The following VPS41 variants were observed in gnomAD, a reference collection of about 807,000 sequenced individuals.
The protein encoded by VPS41 is VPS41 subunit of HOPS complex, also known as vacuolar protein sorting-associated protein 41 homolog.
A neutral mutation model predicts 130.9 loss-of-function variants in VPS41; 85 were observed. The ratio of observed to expected loss-of-function variants is 0.65; its 90% confidence interval spans 0.55 to 0.78. The LOEUF (loss-of-function observed/expected upper bound fraction) is 0.78, where lower values mean the gene tolerates loss of function less well. Ranked by LOEUF, VPS41 falls within the 30% of genes least tolerant of loss-of-function variation. The pLI, the probability that VPS41 is intolerant of heterozygous loss-of-function variation, is 0.00. For synonymous variants in VPS41, 335 were observed against 332.9 expected (o/e 1.01, Z -0.07); for missense variants, 874 against 1,018.7 (o/e 0.86, Z 1.93).
At chr7:38,744,795 T>C (rs1795954292) in intron 23 of VPS41, among the ~76,000 whole-genome samples, 1 of 152,118 alleles carries the variant, frequency 6.6e-6, no homozygotes, top group Non-Finnish European at 1.5e-5. Flanking sequence ...TGAATCTGCA[T>C]ACACATAAAA....
chr7:38,758,218 A>G (rs1020769667), intron 18 of VPS41, 136 bp downstream of exon 18: 1 of 742,546 alleles, frequency 1.3e-6, no homozygotes, highest in Non-Finnish European at 2.1e-6. Flanking sequence ...GAGGTTTATG[A>G]GAGGTTTTTA....
At chr7:38,893,636 T>C (rs966217384) in intron 2 of VPS41, among the ~76,000 whole-genome samples, 6 of 152,246 alleles carry the variant, frequency 3.9e-5, no homozygotes, top group African/African-American at 1.4e-4. Flanking sequence ...CCAGTTTAGT[T>C]AGTCTCAAAA....
At chr7:38,731,847 A>G (rs1795670483) in intron 25 of VPS41, among the ~76,000 whole-genome samples, 1 of 152,212 alleles carries the variant, frequency 6.6e-6, no homozygotes, top group Non-Finnish European at 1.5e-5. Flanking sequence ...AAATCTGTTG[A>G]TATTTTCCCA....
chr7:38,796,389 C>T, intron 8 of VPS41: 1 of 453,754 alleles, frequency 2.2e-6, no homozygotes, highest in East Asian at 6.7e-5. Context: ...ATATTCTGCA[C>T]TTGTTTCATA....
intron 13 of VPS41, 103 bp downstream of exon 13, chr7:38,772,419 A>G: frequency 1.3e-6 from 1 of 779,928 alleles, no homozygotes; most frequent in Admixed American, 3.3e-5. Flanking sequence ...GGCTTGGGAA[A>G]CTCTACTTTG....
chr7:38,883,744 T>C (rs1300185614), intron 2 of VPS41, among the ~76,000 whole-genome samples: 2 of 152,198 alleles, frequency 1.3e-5, no homozygotes, highest in African/African-American at 4.8e-5. Flanking sequence ...ATATATATCA[T>C]ACCAGGGGAG....
intron 25 of VPS41, among the ~76,000 whole-genome samples, chr7:38,740,920 G>A (rs112118641): frequency 1.9e-4 from 29 of 152,030 alleles, no homozygotes; most frequent in East Asian, 1.2e-3. Flanking sequence ...TTTTGAACAC[G>A]TATACACCAT....
chr7:38,898,202 C>T (rs1486349991), intron 1 of VPS41, 73 bp from the exon 2 acceptor site: 2 of 1,310,702 alleles, frequency 1.5e-6, no homozygotes, highest in African/African-American at 1.5e-5. Flanking sequence ...GGAAAGAGTC[C>T]TCATGTTCCT....
At chr7:38,735,871 C>T (rs1795752433) in intron 25 of VPS41, among the ~76,000 whole-genome samples, 1 of 152,146 alleles carries the variant, frequency 6.6e-6, no homozygotes, top group African/African-American at 2.4e-5. Context: ...TGTCCTGCTA[C>T]CTAGCCCCGG....
chr7:38,738,949 T>C (rs1242451513), intron 25 of VPS41, among the ~76,000 whole-genome samples: 2 of 152,268 alleles, frequency 1.3e-5, no homozygotes, highest in Non-Finnish European at 2.9e-5. Flanking sequence ...AGAGAGCTGT[T>C]ACATTTTAGA....
At chr7:38,809,653 C>T (rs1784905262) in intron 7 of VPS41, among the ~76,000 whole-genome samples, 1 of 152,060 alleles carries the variant, frequency 6.6e-6, no homozygotes, top group South Asian at 2.1e-4. Flanking sequence ...ATTTCATTCA[C>T]TCCAGTCCTT....
chr7:38,832,513 T>C (rs1307834173), intron 4 of VPS41, among the ~76,000 whole-genome samples: 2 of 152,078 alleles, frequency 1.3e-5, no homozygotes, highest in Non-Finnish European at 2.9e-5. Flanking sequence ...GAGTTTTCAG[T>C]TGTGGTCTCT....
chr7:38,844,536 T>A (rs920172530), intron 4 of VPS41, among the ~76,000 whole-genome samples: 3 of 152,056 alleles, frequency 2.0e-5, no homozygotes, highest in Non-Finnish European at 4.4e-5. Flanking sequence ...CTAAAAAAAA[T>A]AAAAATCATC....
intron 9 of VPS41, among the ~76,000 whole-genome samples, chr7:38,793,039 C>G (rs1455491631): frequency 6.6e-6 from 1 of 152,192 alleles, no homozygotes. Context: ...AGTTATTGGA[C>G]AGGCCATCCC....
chr7:38,839,794 G>A (rs1338364605), intron 4 of VPS41, among the ~76,000 whole-genome samples: 1 of 152,146 alleles, frequency 6.6e-6, no homozygotes, highest in Non-Finnish European at 1.5e-5. Flanking sequence ...AATCTTTTCA[G>A]TTGCTCTAAG....
intron 10 of VPS41, among the ~76,000 whole-genome samples, chr7:38,788,174 TC>T (rs1784473009): frequency 6.6e-6 from 1 of 152,184 alleles, no homozygotes; most frequent in African/African-American, 2.4e-5. Context: ...ATAGATATTA[TC>T]ACCTCCATTT....
At chr7:38,908,961 A>T (rs1412035920) in intron 1 of VPS41, among the ~76,000 whole-genome samples, 193 bp downstream of exon 1, 1 of 152,156 alleles carries the variant, frequency 6.6e-6, no homozygotes, top group Non-Finnish European at 1.5e-5. Context: ...CGCTTTCCCT[A>T]GGTGCCCTCC....
At chr7:38,750,188 G>A (rs1298760499) in intron 22 of VPS41, among the ~76,000 whole-genome samples, 2 of 152,170 alleles carry the variant, frequency 1.3e-5, no homozygotes, top group Admixed American at 6.5e-5. Flanking sequence ...TAAGGAAAAC[G>A]GAGTGAGAAT....
chr7:38,764,205 G>C (rs919872845), intron 16 of VPS41, among the ~76,000 whole-genome samples: 2 of 152,208 alleles, frequency 1.3e-5, no homozygotes, highest in African/African-American at 4.8e-5. Context: ...GGTCAGCACA[G>C]TGCTGCAGCA....
Sources: gnomAD v4.1 joint callset for allele counts (sites outside exome capture counted in the v4.1 genomes callset) on GRCh38, gnomAD v4.1.1 for gene constraint, MANE v1.5 for transcripts, NCBI Gene and HGNC (gene_info 2026-07-23, HGNC 2026-07-21) for gene names.